The following ACSF3 variants were observed in gnomAD, a reference collection of about 807,000 sequenced individuals.
ACSF3 encodes malonate--CoA ligase ACSF3, mitochondrial.
A neutral mutation model predicts 53.2 loss-of-function variants in ACSF3; 78 were observed. The ratio of observed to expected loss-of-function variants is 1.47; its 90% CI spans 1.22 to 1.77. The LOEUF is 1.77. Among genes scored for constraint, ACSF3 ranks in the 40% most tolerant of loss-of-function variants. The pLI, the probability that ACSF3 is intolerant of heterozygous loss-of-function variation, is 0.00. For missense variants in ACSF3, 937 were observed against 771.1 expected, an observed-to-expected ratio of 1.22 and a Z score of -2.55; for synonymous variants, 414 against 333.1, an observed-to-expected ratio of 1.24 and a Z score of -2.65.
chr16:89,122,616 A>G, intron 7 of ACSF3: 3 of 230,848 alleles, frequency 1.3e-5, no homozygotes. Flanking sequence ...GACACCATCT[A>G]GTCAGAAATG....
intron 10 of ACSF3, chr16:89,151,607 A>C: frequency 7.4e-6 from 1 of 134,792 alleles, no homozygotes; most frequent in South Asian, 2.2e-4. Flanking sequence ...GTAATTCACC[A>C]TATATTTTTT....
chr16:89,126,988 G>T (rs566987304), intron 7 of ACSF3, among the ~76,000 whole-genome samples: 11 of 85,748 alleles, frequency 1.3e-4, no homozygotes, highest in Non-Finnish European at 2.4e-4. Context: ...AAAGCTTTTC[G>T]GTATTGATGG....
intron 6 of ACSF3, among the ~76,000 whole-genome samples, chr16:89,120,297 C>G (rs1906309670): frequency 6.6e-6 from 1 of 152,254 alleles, no homozygotes. Context: ...GAGTTCAGGA[C>G]AGCCCCTCCT....
intron 10 of ACSF3, chr16:89,148,186 C>T (rs2151572858): frequency 6.8e-6 from 1 of 146,998 alleles, no homozygotes; most frequent in South Asian, 2.2e-4. Context: ...CTTACTATAG[C>T]CTCTGCCTGC....
intron 1 of ACSF3, among the ~76,000 whole-genome samples, chr16:89,095,667 C>T (rs949930216): frequency 2.6e-5 from 4 of 152,176 alleles, no homozygotes; most frequent in Admixed American, 6.5e-5. Context: ...TTGAAAGCAG[C>T]CCTTCATTTG....
At chr16:89,100,572 TG>T (rs2151403955) in intron 2 of ACSF3, 89 bp from the exon 3 acceptor site, 1 of 1,282,472 alleles carries the variant, frequency 7.8e-7, no homozygotes, top group Non-Finnish European at 1.1e-6. Context: ...CGTACCTGGC[TG>T]GGTACTGGGG....
Position 89,142,624 on chromosome 16 carries a change from G to C in ACSF3, c.1367-2643G>C, listed in dbSNP as rs1486016476. 2.0e-5 allele frequency among the ~76,000 whole-genome samples: 3 copies of C among 147,344 alleles called. No homozygotes were observed. The East Asian group carries it at 5.9e-4, about 29-fold the overall frequency. On this transcript the variant is annotated intron_variant, in intron 8 of 10. Coordinates refer to ENST00000614302, the MANE Select transcript of ACSF3 (RefSeq NM_001243279.3). ...ACCTGCAGACACACCCACACCTGCA[G>C]ACACCTACACCTGCAGGCACACCCA...
intron 1 of ACSF3, among the ~76,000 whole-genome samples, chr16:89,098,324 A>T (rs550875395): frequency 1.9e-4 from 29 of 152,364 alleles, no homozygotes; most frequent in African/African-American, 5.5e-4. Context: ...TCACAAGTTA[A>T]TGAAAGAGAT....
intron 7 of ACSF3, among the ~76,000 whole-genome samples, chr16:89,125,033 C>T (rs1907704713): frequency 6.6e-6 from 1 of 152,136 alleles, no homozygotes; most frequent in Non-Finnish European, 1.5e-5. Flanking sequence ...TGTTTTGGTG[C>T]ACATATTAAT....
chr16:89,109,922 C>T (rs973422726), intron 4 of ACSF3, among the ~76,000 whole-genome samples: 1 of 152,112 alleles, frequency 6.6e-6, no homozygotes, highest in African/African-American at 2.4e-5. Context: ...CGTATGTAAT[C>T]TTTGGTGAAC....
chr16:89,129,793 T>G (rs956576063), intron 7 of ACSF3, among the ~76,000 whole-genome samples: 1 of 152,212 alleles, frequency 6.6e-6, no homozygotes, highest in African/African-American at 2.4e-5. Flanking sequence ...TTAGTAGTAG[T>G]TCCAGAAACT....
chr16:89,114,720 G>T, intron 6 of ACSF3: 1 of 630,038 alleles, frequency 1.6e-6, no homozygotes. Flanking sequence ...GTCTGTGCTG[G>T]CCCCTGGCTG....
At chr16:89,142,761 CCACACCTACAGAGACACCCA>C (rs1386362472) in intron 8 of ACSF3, among the ~76,000 whole-genome samples, 1 of 151,026 alleles carries the variant, frequency 6.6e-6, no homozygotes, top group Non-Finnish European at 1.5e-5. Flanking sequence ...AGAGACACAC[CCACACCTACAGAGACACCCA>C]CACCTGCAGA....
At chr16:89,099,514 C>T (rs1215910208) in intron 2 of ACSF3, among the ~76,000 whole-genome samples, 6 of 152,162 alleles carry the variant, frequency 3.9e-5, no homozygotes, top group Non-Finnish European at 5.9e-5. Flanking sequence ...GGTGCAGTGG[C>T]TCACACCTGT....
intron 10 of ACSF3, 146 bp from the exon 11 acceptor site, chr16:89,153,944 G>C (rs762721306): frequency 1.3e-6 from 1 of 769,186 alleles, no homozygotes; most frequent in Admixed American, 2.1e-5. Context: ...GCGGTGGCCC[G>C]GTGCACCTGC....
At chr16:89,147,161 A>AGGAGGGAGGGTCCACAGAG (rs773930227) in intron 10 of ACSF3, among the ~76,000 whole-genome samples, 2 of 112,606 alleles carry the variant, frequency 1.8e-5, no homozygotes, top group Non-Finnish European at 1.8e-5. Context: ...TGAGTGAGGG[A>AGGAGGGAGGGTCCACAGAG]GGAGGGAGGG....
chr16:89,109,697 C>T (rs116996369), intron 4 of ACSF3, among the ~76,000 whole-genome samples: 4,353 of 152,248 alleles, frequency 0.029, 88 homozygotes, highest in Non-Finnish European at 0.042. Flanking sequence ...TAGCCGTGAG[C>T]CCGCCGCACC....
intron 7 of ACSF3, among the ~76,000 whole-genome samples, chr16:89,128,952 C>T (rs1361759650): frequency 7.5e-6 from 1 of 132,976 alleles, no homozygotes; most frequent in Non-Finnish European, 1.6e-5. Flanking sequence ...ATAGTGAGAC[C>T]CCATCTCTAC....
chr16:89,097,607 C>T (rs771615970), intron 1 of ACSF3, among the ~76,000 whole-genome samples: 4 of 152,186 alleles, frequency 2.6e-5, no homozygotes, highest in Non-Finnish European at 4.4e-5. Flanking sequence ...GTGGTGGGGC[C>T]GCCCTGGTTT....
Sources: allele counts gnomAD v4.1 joint callset (sites outside exome capture counted in the v4.1 genomes callset), GRCh38; gene constraint gnomAD v4.1.1; transcripts MANE v1.5; gene names NCBI Gene and HGNC (gene_info 2026-07-23, HGNC 2026-07-21).